Variants in PCDHGB6 observed in about 807,000 individuals in gnomAD.
PCDHGB6 encodes protocadherin gamma subfamily B, 6.
Under a neutral mutation model 59.1 loss-of-function variants are expected in PCDHGB6, and 51 were observed. That is an observed-to-expected ratio of 0.86 (90% CI 0.69 to 1.09). PCDHGB6 has a LOEUF of 1.09. Among genes scored for constraint, PCDHGB6 ranks in the 50% least tolerant of loss-of-function variants. The pLI, the probability that PCDHGB6 is intolerant of heterozygous loss-of-function variation, is 0.00. For missense variants in PCDHGB6, 1,148 were observed against 1,205.1 expected (o/e 0.95, Z 0.70); for synonymous variants, 466 against 495.1 (o/e 0.94, Z 0.78).
Position 141,510,957 on chromosome 5 carries a change from T to C in PCDHGB6, c.2577T>C (p.Asp859=), listed in dbSNP as rs372617587. ...MILASASEAA[D]GSSTLGGGAG... ...CCTCTGTCTCTGCAGAAGCTGCTGA[T>C]GGGAGCTCCACCCTGGGAGGGGGTG... Residue 859 remains aspartate, a synonymous_variant, in exon 4 of 4, where the codon GAT becomes GAC. Transcript: ENST00000520790. 2.5e-6 allele frequency: 4 copies of C among 1,614,134 alleles called. No individual in the cohort carries two copies. The highest frequency in any genetic ancestry group is 3.4e-6 in the Non-Finnish European group (4 of 1,180,004).
chr5:141,415,756 T>C, intron 1 of PCDHGB6: 2 of 1,387,344 alleles, frequency 1.4e-6, no homozygotes, highest in Non-Finnish European at 1.9e-6. Flanking sequence ...TTTTTTTTTT[T>C]TTTTTTTTTT....
In PCDHGB6 at chr5:141,491,762, C is replaced by T. The variant is rs1162878124; in HGVS notation, c.2419-3045C>T. The T allele has an allele frequency of 6.4e-7, 1 of 1,572,596 alleles. No homozygotes were observed. The highest frequency in any genetic ancestry group is 1.4e-5 in the African/African-American group (1 of 73,308). ...GGCGGCACTGGAGAAGCCGCCCGTC[C>T]TCATAAGGGATTGAACTTGCATCCA... On this transcript the variant is annotated intron_variant, in intron 1 of 3. Transcript: ENST00000520790. The surrounding 1 kb of genome is among the most constrained non-coding windows in gnomAD (Gnocchi z 6.9).
rs2099394683 is a variant in PCDHGB6, at chr5:141,476,602, C to G, written c.2419-18205C>G. 2.5e-6 allele frequency: 4 copies of G among 1,614,208 alleles called. No individual in the cohort carries two copies. The highest frequency in any genetic ancestry group is 2.2e-5 in the East Asian group (1 of 44,862). Reference sequence around the variant, plus strand: ...TTCCGCTCGAGAGCGCGCACGATCCCGATGTGGGAAGCAACTCTTTACAAA... The same window carrying G: ...TTCCGCTCGAGAGCGCGCACGATCCGGATGTGGGAAGCAACTCTTTACAAA... On this transcript the variant is annotated intron_variant, in intron 1 of 3. Transcript: ENST00000520790. This position sits in a 1 kb window ranked among gnomAD's most constrained non-coding sequence, Gnocchi z 7.6.
intron 3 of PCDHGB6, among the ~76,000 whole-genome samples, chr5:141,509,518 T>A (rs1441963133): frequency 6.6e-6 from 1 of 152,170 alleles, no homozygotes; most frequent in Non-Finnish European, 1.5e-5. Context: ...GTTGATGATG[T>A]ATTGCACAGG....
intron 1 of PCDHGB6, among the ~76,000 whole-genome samples, chr5:141,459,880 C>G (rs1240703946): frequency 6.6e-6 from 1 of 152,134 alleles, no homozygotes; most frequent in Non-Finnish European, 1.5e-5. Context: ...TTTAACTGAG[C>G]TGAACGCCTT....
At chr5:141,446,202 G>T (rs780900822) in intron 1 of PCDHGB6, among the ~76,000 whole-genome samples, 13 of 152,094 alleles carry the variant, frequency 8.5e-5, no homozygotes, top group Non-Finnish European at 1.8e-4. Context: ...ATATTCCTAG[G>T]TGTCTGAAAA....
intron 1 of PCDHGB6, chr5:141,423,310 G>A (rs1175296469): frequency 1.2e-6 from 2 of 1,614,180 alleles, no homozygotes; most frequent in Admixed American, 1.7e-5. Flanking sequence ...GCTGTACTTG[G>A]TGGTGGCGGT....
Position 141,427,885 on chromosome 5 carries a change from ACCAGGGCTCGC to A in PCDHGB6, c.2418+17268_2418+17278del, listed in dbSNP as rs772694818. 4 of 1,565,134 alleles carry A rather than the reference ACCAGGGCTCGC, an allele frequency of 2.6e-6. No homozygotes were observed. In the East Asian group the frequency reaches 6.7e-5, roughly 26 times the overall value. ...TTCGAGCTCACGATGCAGGCCCACGACCAGGGCTCGCCCGCGCTCAGCGCCAACATGAGCCG... is the reference window on the plus strand; with the variant it reads ...TTCGAGCTCACGATGCAGGCCCACGACCGCGCTCAGCGCCAACATGAGCCG... On this transcript the variant is annotated intron_variant, in intron 1 of 3. Coordinates refer to ENST00000520790, the MANE Select transcript of PCDHGB6 (RefSeq NM_018926.3).
At chr5:141,473,801 T>C (rs1593456345) in intron 1 of PCDHGB6, among the ~76,000 whole-genome samples, 1 of 152,226 alleles carries the variant, frequency 6.6e-6, no homozygotes, top group East Asian at 1.9e-4. Flanking sequence ...ATGATGCTAC[T>C]GAGGAGCAGC....
intron 1 of PCDHGB6, chr5:141,413,327 A>G (rs200027912): frequency 6.2e-7 from 1 of 1,613,984 alleles, no homozygotes; most frequent in Non-Finnish European, 8.5e-7. Context: ...TTCGTGGGCA[A>G]CATCTCCAAG....
rs1345800081 is a variant in PCDHGB6, at chr5:141,485,453, G to A, written c.2419-9354G>A. 1 of 1,614,176 alleles carries A rather than the reference G, an allele frequency of 6.2e-7. No homozygotes were observed. The highest frequency in any genetic ancestry group is 8.5e-7 in the Non-Finnish European group (1 of 1,180,036). On this transcript the variant is annotated intron_variant, in intron 1 of 3. Transcript: ENST00000520790. The surrounding 1 kb of genome is among the most constrained non-coding windows in gnomAD (Gnocchi z 5.7). ...CATCAAGAACCCAATCGACCGAGAG[G>A]CACTGTGTGGGCTCAGTGCCAGCTG...
rs200651346 is a variant in PCDHGB6, at chr5:141,410,153, C to G, written c.1951C>G (p.Gln651Glu). The G allele has an allele frequency of 5.6e-6, 9 of 1,612,786 alleles. No individual in the cohort carries two copies. Residue 651 changes from glutamine (Q) to glutamate (E), a missense_variant, in exon 1 of 4, where the codon CAG becomes GAG. By Grantham distance (29) the Gln-to-Glu change is conservative. Coordinates refer to ENST00000520790, the MANE Select transcript of PCDHGB6 (RefSeq NM_018926.3). ...GCTGGTCGCTGTGCGTGACGGTGGA[C>G]AGCCGCCACTCTCTGCCACCGCCAC... ...RLLVAVRDGG[Q>E]PPLSATATLH...
Position 141,477,626 on chromosome 5 carries a change from G to C in PCDHGB6, c.2419-17181G>C. The C allele has an allele frequency of 1.2e-6, 2 of 1,614,170 alleles. No homozygotes were observed. Among genetic ancestry groups the C allele is most frequent in the Non-Finnish European group, 1.7e-6 (2 of 1,180,036 alleles). ...TCTCTTGGAGCAAGGAGCTGAAACCGGGCTAGTGGGTCGCTATTTCACAAT... is the reference window on the plus strand; with the variant it reads ...TCTCTTGGAGCAAGGAGCTGAAACCCGGCTAGTGGGTCGCTATTTCACAAT... On this transcript the variant is annotated intron_variant, in intron 1 of 3. Transcript: ENST00000520790. The surrounding 1 kb of genome is among the most constrained non-coding windows in gnomAD (Gnocchi z 4.9).
In PCDHGB6 at chr5:141,491,257, G is replaced by A. The variant is rs754721047; in HGVS notation, c.2419-3550G>A. 2 of 1,614,170 alleles carry A rather than the reference G, an allele frequency of 1.2e-6. No individual in the cohort carries two copies. The highest frequency in any genetic ancestry group is 3.3e-5 in the Admixed American group (2 of 60,020). On this transcript the variant is annotated intron_variant, in intron 1 of 3. Coordinates refer to ENST00000520790, the MANE Select transcript of PCDHGB6 (RefSeq NM_018926.3). This position sits in a 1 kb window ranked among gnomAD's most constrained non-coding sequence, Gnocchi z 6.9. ...GGTTCTGGAGGATGAGGACCCTGAG[G>A]AAATGCCCAAATCCAGTGACTTCCT... is the stretch of plus-strand genomic sequence containing the variant.
chr5:141,501,441 A>G (rs547792017), intron 2 of PCDHGB6, among the ~76,000 whole-genome samples: 1 of 151,898 alleles, frequency 6.6e-6, no homozygotes, highest in African/African-American at 2.4e-5. Context: ...CATTTCTTCC[A>G]TTTTTACTTT....
At chr5:141,442,202 G>A (rs1033563159) in intron 1 of PCDHGB6, 2 of 153,258 alleles carry the variant, frequency 1.3e-5, no homozygotes, top group African/African-American at 4.8e-5. Context: ...TTTATATCTG[G>A]TGATTGCCTT....
chr5:141,415,128 G>C (rs376477668), intron 1 of PCDHGB6: 33 of 1,613,528 alleles, frequency 2.0e-5, no homozygotes, highest in Admixed American at 5.0e-5. Context: ...TGGCCGTCCA[G>C]GACCACGGCC....
In PCDHGB6 at chr5:141,408,834, T is replaced by G; in HGVS notation, c.632T>G (p.Ile211Arg). Residue 211 changes from isoleucine (I) to arginine (R), a missense_variant, in exon 1 of 4, where the codon ATA (isoleucine) becomes AGA (arginine). By Grantham distance (97) the Ile-to-Arg change is moderately conservative. Coordinates refer to ENST00000520790, the MANE Select transcript of PCDHGB6 (RefSeq NM_018926.3). ...GAAGAACAGAGATCTCATAGCTTGA[T>G]ATTGACTGCCTTGGACGGAGGGGAC... ...DREEQRSHSL[I>R]LTALDGGDPP... The G allele has an allele frequency of 6.2e-7, 1 of 1,613,696 alleles. No homozygotes were observed. The highest frequency in any genetic ancestry group is 8.5e-7 in the Non-Finnish European group (1 of 1,179,810).
At chr5:141,441,797 G>T in intron 1 of PCDHGB6, 1 of 386,536 alleles carries the variant, frequency 2.6e-6, no homozygotes, top group Non-Finnish European at 5.2e-6. Context: ...ACAACGCACC[G>T]CGGGTGCTGT....
Sources: gnomAD v4.1 joint callset for allele counts (sites outside exome capture counted in the v4.1 genomes callset) on GRCh38, gnomAD v4.1.1 for gene constraint, Gnocchi (gnomAD v3.1) non-coding constraint, MANE v1.5 for transcripts, NCBI Gene and HGNC (gene_info 2026-07-23, HGNC 2026-07-21) for gene names.